The following TOM1L1 variants were observed in gnomAD, a reference collection of about 807,000 sequenced individuals.
TOM1L1 encodes the protein target of myb1 like 1 membrane trafficking protein.
TOM1L1 carries 64 observed loss-of-function variants against 63.4 expected under a neutral mutation model. The observed-to-expected ratio is 1.01, with a 90% CI of 0.83 to 1.24. The LOEUF is 1.24. TOM1L1 is among the 50% of genes most tolerant of loss of function. The probability of loss-of-function intolerance (pLI) is 0.00; values close to 1 mark genes in which losing one functional copy is unlikely to be tolerated. For missense variants in TOM1L1, 536 were observed against 567.0 expected (o/e 0.95, Z 0.55); for synonymous variants, 166 against 194.4 (o/e 0.85, Z 1.22).
chr17:54,923,627 C>T (rs938141480), intron 7 of TOM1L1, among the ~76,000 whole-genome samples: 43 of 151,850 alleles, frequency 2.8e-4, no homozygotes, highest in Non-Finnish European at 4.9e-4. Context: ...CTCACTGCAA[C>T]CTCTGCCTCC....
intron 6 of TOM1L1, among the ~76,000 whole-genome samples, chr17:54,915,218 C>T (rs2048567872): frequency 6.6e-6 from 1 of 152,170 alleles, no homozygotes; most frequent in Non-Finnish European, 1.5e-5. Context: ...TGTAAAGGAA[C>T]TATAATTGAA....
chr17:54,901,116 T>C lies in TOM1L1; in HGVS notation c.58+193T>C, dbSNP rs1434871589. ...GTCGTTTCCTTCTTGGCCAACTCACTGTAGAACCTCAGTCCTCAAAAATGT... is the reference window on the plus strand; with the variant it reads ...GTCGTTTCCTTCTTGGCCAACTCACCGTAGAACCTCAGTCCTCAAAAATGT... On this transcript the variant is annotated intron_variant, in intron 1 of 15. Transcript: ENST00000575882. 2.1e-5 allele frequency: 15 copies of C among 711,696 alleles called. No individual in the cohort carries two copies. The South Asian group carries it at 2.7e-4, about 13-fold the overall frequency. 44.1% of individuals were successfully genotyped at this position (711,696 alleles called of 1,614,324 possible).
chr17:54,949,630 G>A lies in TOM1L1; in HGVS notation c.1288+7G>A, dbSNP rs1348458659. The stretch of plus-strand genomic sequence containing the variant: ...TTGCCCAGCAATCATCCAGGTACAT[G>A]GGACCTTATTATTCGCATCAAATAA... On this transcript the variant is annotated splice_region_variant and intron_variant, in intron 13 of 15. Transcript: ENST00000575882. 4 of 1,602,742 alleles carry A rather than the reference G, an allele frequency of 2.5e-6. No homozygotes were observed. Among genetic ancestry groups the A allele is most frequent in the African/African-American group, 2.7e-5 (2 of 74,700 alleles).
chr17:54,907,153 CTTTT>C (rs74686562), intron 3 of TOM1L1, among the ~76,000 whole-genome samples: 1 of 137,334 alleles, frequency 7.3e-6, no homozygotes. Context: ...CCCCCTTCAC[CTTTT>C]TTTTTTTTTT....
chr17:54,937,509 A>G (rs2048969229), intron 10 of TOM1L1: 1 of 390,360 alleles, frequency 2.6e-6, no homozygotes, highest in Non-Finnish European at 4.7e-6. Flanking sequence ...CCCAATGGCC[A>G]ATACTTAAAG....
At chr17:54,929,261 T>C (rs1292599958) in intron 7 of TOM1L1, among the ~76,000 whole-genome samples, 1 of 152,094 alleles carries the variant, frequency 6.6e-6, no homozygotes, top group African/African-American at 2.4e-5. Context: ...TAAATATCAG[T>C]GTACATAAGA....
intron 10 of TOM1L1, chr17:54,937,486 A>G (rs2048968601): frequency 2.2e-6 from 1 of 449,216 alleles, no homozygotes; most frequent in African/African-American, 2.0e-5. Flanking sequence ...CCTGCTTTGT[A>G]GAAGTTGTTC....
chr17:54,910,140 C>T (rs561131725), intron 3 of TOM1L1, among the ~76,000 whole-genome samples: 1 of 152,254 alleles, frequency 6.6e-6, no homozygotes, highest in Non-Finnish European at 1.5e-5. Context: ...ATCATAAAAT[C>T]TTGTGGCACC....
chr17:54,922,552 G>A (rs1029287575), intron 7 of TOM1L1, among the ~76,000 whole-genome samples: 10 of 152,248 alleles, frequency 6.6e-5, no homozygotes, highest in East Asian at 1.9e-4. Context: ...GCAGTAAACC[G>A]TGATTGCACC....
intron 7 of TOM1L1, chr17:54,916,107 G>T (rs2048584599): frequency 4.6e-6 from 2 of 439,204 alleles, no homozygotes; most frequent in Admixed American, 8.2e-5. Context: ...CCTTGGTCAT[G>T]TACAATCAAT....
intron 7 of TOM1L1, chr17:54,916,926 G>A (rs2048599790): frequency 6.6e-6 from 1 of 152,106 alleles, no homozygotes. Context: ...TAAAATTCTA[G>A]GCACAAAATT....
At chr17:54,935,096 C>A (rs943947887) in intron 8 of TOM1L1, among the ~76,000 whole-genome samples, 2 of 152,122 alleles carry the variant, frequency 1.3e-5, no homozygotes, top group Admixed American at 1.3e-4. Context: ...CGTGAAGAGA[C>A]CACCAAAGAG....
chr17:54,939,095 T>C (rs1322687192), intron 11 of TOM1L1, 75 bp downstream of exon 11: 2 of 1,021,338 alleles, frequency 2.0e-6, no homozygotes, highest in Non-Finnish European at 2.9e-6. Context: ...ACCTGATGGC[T>C]GGGCGCAGTG....
At chr17:54,958,914 A>C (rs2077033574) in intron 14 of TOM1L1, among the ~76,000 whole-genome samples, 3 of 152,292 alleles carry the variant, frequency 2.0e-5, no homozygotes, top group Middle Eastern at 3.4e-3. Flanking sequence ...CAGGAAGGGA[A>C]GAATAACTGA....
intron 7 of TOM1L1, 41 bp downstream of exon 7, chr17:54,915,903 T>A: frequency 6.7e-7 from 1 of 1,489,284 alleles, no homozygotes; most frequent in Non-Finnish European, 9.4e-7. Context: ...AAGTGTCTCT[T>A]AAAGTTATTC....
intron 8 of TOM1L1, among the ~76,000 whole-genome samples, chr17:54,931,512 T>G (rs8069447): frequency 0.57 from 86,789 of 152,016 alleles, 25,106 homozygotes; most frequent in African/African-American, 0.6. Flanking sequence ...AAAGCCAGTA[T>G]TTATGGGCCA....
chr17:54,911,826 T>C (rs1414617033), intron 3 of TOM1L1, among the ~76,000 whole-genome samples: 1 of 152,144 alleles, frequency 6.6e-6, no homozygotes, highest in African/African-American at 2.4e-5. Flanking sequence ...ATTAACCTTT[T>C]CCTCAATTTC....
At chr17:54,956,059 G>A (rs1284201522) in intron 14 of TOM1L1, among the ~76,000 whole-genome samples, 1 of 152,176 alleles carries the variant, frequency 6.6e-6, no homozygotes, top group Non-Finnish European at 1.5e-5. Context: ...TCAACCCTGG[G>A]TCTCATCTGG....
chr17:54,937,081 C>CG, intron 9 of TOM1L1, 28 bp from the exon 10 acceptor site: 1 of 1,357,822 alleles, frequency 7.4e-7, no homozygotes, highest in Non-Finnish European at 1.0e-6. Flanking sequence ...CTACATGACA[C>CG]TTTTTTTTTT....
Sources: gnomAD v4.1 joint callset for allele counts (sites outside exome capture counted in the v4.1 genomes callset) on GRCh38, gnomAD v4.1.1 for gene constraint, MANE v1.5 for transcripts, NCBI Gene and HGNC (gene_info 2026-07-23, HGNC 2026-07-21) for gene names.